The following DLG2 variants were observed in gnomAD, a reference collection of about 807,000 sequenced individuals.
DLG2 encodes the protein discs large MAGUK scaffold protein 2.
DLG2 carries 45 observed loss-of-function variants against 132.5 expected under a neutral mutation model. That is an observed-to-expected ratio of 0.34 (90% CI 0.27 to 0.44). The LOEUF is 0.44. Among genes scored for constraint, DLG2 ranks in the 20% least tolerant of loss-of-function variants. DLG2 has a pLI of 1.00. For missense variants in DLG2, 1,045 were observed against 1,196.9 expected, an observed-to-expected ratio of 0.87 and a Z score of 1.87; for synonymous variants, 424 against 419.6, an observed-to-expected ratio of 1.01 and a Z score of -0.13.
chr11:85,272,534 T>A (rs183576304), intron 4 of DLG2, among the ~76,000 whole-genome samples: 2 of 152,264 alleles, frequency 1.3e-5, no homozygotes, highest in East Asian at 3.9e-4. Flanking sequence ...CAACTGATTG[T>A]ATAGGTCCAC....
chr11:84,517,764 G>T (rs529928082), intron 7 of DLG2, among the ~76,000 whole-genome samples: 2 of 152,048 alleles, frequency 1.3e-5, no homozygotes, highest in South Asian at 4.2e-4. Context: ...TTCATCAATG[G>T]ATGAACGGAT....
At chr11:84,784,031 C>T (rs2072326819) in intron 6 of DLG2, among the ~76,000 whole-genome samples, 1 of 149,550 alleles carries the variant, frequency 6.7e-6, no homozygotes, top group African/African-American at 2.5e-5. Context: ...GGCACAGTGG[C>T]TCACACCTAT....
rs981281140 is a variant in DLG2 at position 83,516,085 on chromosome 11, A to C, written c.2193+16623T>G. Among the ~76,000 whole-genome samples the C allele has an allele frequency of 1.3e-5, 2 of 151,918 alleles. 1 individual carries two copies. Among genetic ancestry groups the C allele is most frequent in the Non-Finnish European group, 2.9e-5 (2 of 68,002 alleles). The stretch of plus-strand genomic sequence containing the variant: ...GTTCAATTCCTGGATATCCTTGTTA[A>C]TTTTCTGTCCCTTTGATCTGTCTAA... On this transcript the variant is annotated intron_variant, in intron 21 of 27. Coordinates refer to ENST00000376104, the MANE Select transcript of DLG2 (RefSeq NM_001142699.3).
intron 4 of DLG2, among the ~76,000 whole-genome samples, chr11:85,201,218 G>T (rs2081434536): frequency 6.6e-6 from 1 of 152,198 alleles, no homozygotes; most frequent in Non-Finnish European, 1.5e-5. Flanking sequence ...ACCCACTACA[G>T]TAGGGTAGCT....
At chr11:85,502,263 T>C (rs926982154) in intron 3 of DLG2, among the ~76,000 whole-genome samples, 2 of 151,692 alleles carry the variant, frequency 1.3e-5, no homozygotes, top group Non-Finnish European at 2.9e-5. Context: ...CACCAGGACC[T>C]GTGTGGGGTG....
At chr11:85,411,883 T>C (rs370234319) in intron 3 of DLG2, among the ~76,000 whole-genome samples, 31 of 151,974 alleles carry the variant, frequency 2.0e-4, no homozygotes, top group African/African-American at 6.7e-4. Context: ...AGCCCTCCAC[T>C]TCTACACCTC....
At chr11:84,633,989 T>A (rs1367197741) in intron 6 of DLG2, among the ~76,000 whole-genome samples, 1 of 152,206 alleles carries the variant, frequency 6.6e-6, no homozygotes, top group East Asian at 1.9e-4. Context: ...TATTGGCACA[T>A]TTAGCCATAT....
At chr11:83,644,264 A>C (rs2067460789) in intron 18 of DLG2, among the ~76,000 whole-genome samples, 3 of 152,102 alleles carry the variant, frequency 2.0e-5, no homozygotes, top group Admixed American at 2.0e-4. Context: ...TGAGGCTGCT[A>C]ATGTGGCCAT....
At chr11:83,868,061 T>G (rs773976123) in intron 16 of DLG2, among the ~76,000 whole-genome samples, 1 of 151,226 alleles carries the variant, frequency 6.6e-6, no homozygotes, top group Non-Finnish European at 1.5e-5. Context: ...CAAGGAAAAA[T>G]GAAAAGGAAG....
At chr11:85,041,485 T>C (rs1246889748) in intron 6 of DLG2, among the ~76,000 whole-genome samples, 5 of 151,918 alleles carry the variant, frequency 3.3e-5, no homozygotes, top group Non-Finnish European at 5.9e-5. Flanking sequence ...AGAGTTGTTG[T>C]GAGGATTAAA....
chr11:84,896,694 G>A (rs987287804), intron 6 of DLG2, among the ~76,000 whole-genome samples: 1 of 151,848 alleles, frequency 6.6e-6, no homozygotes, highest in African/African-American at 2.4e-5. Context: ...GTCAACTCTG[G>A]TCAGAAAATA....
chr11:84,422,545 G>T (rs1054791506), intron 7 of DLG2, among the ~76,000 whole-genome samples: 1 of 151,992 alleles, frequency 6.6e-6, no homozygotes, highest in African/African-American at 2.4e-5. Flanking sequence ...AAAGACAGTT[G>T]GAAACTAACT....
intron 3 of DLG2, among the ~76,000 whole-genome samples, chr11:85,580,782 T>C (rs1353218715): frequency 6.6e-6 from 1 of 152,204 alleles, no homozygotes; most frequent in Non-Finnish European, 1.5e-5. Context: ...CAGAAGATGT[T>C]TGTGTGCTAA....
intron 3 of DLG2, among the ~76,000 whole-genome samples, chr11:85,407,880 T>C (rs1304076373): frequency 6.6e-6 from 1 of 151,774 alleles, no homozygotes; most frequent in Non-Finnish European, 1.5e-5. Flanking sequence ...AATGGCTTTC[T>C]GCGGTTCTTG....
chr11:84,755,501 G>A (rs1057303820), intron 6 of DLG2, among the ~76,000 whole-genome samples: 4 of 152,188 alleles, frequency 2.6e-5, no homozygotes, highest in African/African-American at 9.6e-5. Flanking sequence ...TCGGCTCACT[G>A]CAAGCTCCGC....
At chr11:85,386,728 T>C (rs1259667391) in intron 3 of DLG2, among the ~76,000 whole-genome samples, 4 of 151,860 alleles carry the variant, frequency 2.6e-5, no homozygotes, top group Admixed American at 6.6e-5. Flanking sequence ...TTTTTATTTC[T>C]GTTTGTAGCT....
chr11:84,810,211 A>G (rs1375335766), intron 6 of DLG2, among the ~76,000 whole-genome samples: 1 of 152,138 alleles, frequency 6.6e-6, no homozygotes, highest in Admixed American at 6.6e-5. Context: ...TAAAGCACAT[A>G]TCCAAAAAAG....
At chr11:85,349,345 C>G (rs560359927) in intron 3 of DLG2, among the ~76,000 whole-genome samples, 2 of 152,238 alleles carry the variant, frequency 1.3e-5, no homozygotes, top group African/African-American at 4.8e-5. Context: ...CTTCTATCCA[C>G]TACCTGTTAC....
intron 11 of DLG2, among the ~76,000 whole-genome samples, chr11:84,036,971 C>A (rs947992184): frequency 6.6e-6 from 1 of 152,080 alleles, no homozygotes; most frequent in African/African-American, 2.4e-5. Flanking sequence ...TCTAATGGAG[C>A]CATCAGGAAA....
Sources: allele counts gnomAD v4.1 joint callset (sites outside exome capture counted in the v4.1 genomes callset), GRCh38; gene constraint gnomAD v4.1.1; transcripts MANE v1.5; gene names NCBI Gene and HGNC (gene_info 2026-07-23, HGNC 2026-07-21).